Variants in CDC42SE2 observed in about 807,000 individuals in gnomAD.
CDC42SE2 encodes the protein CDC42 small effector 2, also known as CDC42 small effector protein 2.
In CDC42SE2, 3 loss-of-function variants were observed where a neutral mutation model predicts 11.5. The ratio of observed to expected loss-of-function variants is 0.26; its 90% CI spans 0.12 to 0.67. The LOEUF (loss-of-function observed/expected upper bound fraction) is 0.67, where lower values mean the gene tolerates loss of function less well. CDC42SE2 is among the 30% of genes least tolerant of loss of function. The pLI is 0.80. For missense variants in CDC42SE2, 82 were observed against 106.8 expected, an observed-to-expected ratio of 0.77 and a Z score of 1.02; for synonymous variants, 33 against 34.8, an observed-to-expected ratio of 0.95 and a Z score of 0.18.
intron 2 of CDC42SE2, among the ~76,000 whole-genome samples, 159 bp downstream of exon 2, chr5:131,316,303 T>C (rs1289991834): frequency 6.6e-6 from 1 of 152,258 alleles, no homozygotes; most frequent in Non-Finnish European, 1.5e-5. Flanking sequence ...CCTAACATCA[T>C]GTTTAATGTC....
chr5:131,272,320 C>T (rs761509916), intron 1 of CDC42SE2, among the ~76,000 whole-genome samples: 19 of 152,242 alleles, frequency 1.2e-4, no homozygotes, highest in South Asian at 6.2e-4. Flanking sequence ...TGCACCTGGC[C>T]TAATCCTTCT....
At position 131,321,717 on chromosome 5, in the gene CDC42SE2, T is replaced by TCC. The variant is rs1242891826; in HGVS notation, c.-286+5579_-286+5580dup. ...AATGGTGGGAAACTTAATTCTATCT[T>TCC]CCCCCCCGCCAAAATCATCAAGCGT... On this transcript the variant is annotated intron_variant, in intron 2 of 4. Coordinates refer to ENST00000505065, the MANE Select transcript of CDC42SE2 (RefSeq NM_001375635.1). 3.1e-3 allele frequency among the ~76,000 whole-genome samples: 462 copies of TCC among 150,772 alleles called. 3 individuals are homozygous for TCC. The highest frequency in any genetic ancestry group is 0.011 in the African/African-American group (449 of 40,770).
intron 1 of CDC42SE2, among the ~76,000 whole-genome samples, chr5:131,302,235 A>G (rs1437899809): frequency 4.0e-5 from 6 of 149,992 alleles, no homozygotes; most frequent in African/African-American, 1.5e-4. Context: ...GCTGGAGTGC[A>G]ATGGTGCGAT....
At chr5:131,236,476 G>T in the CDC42SE2 span, among the ~76,000 whole-genome samples, 1 of 152,064 alleles carries the variant, frequency 6.6e-6, no homozygotes, top group Non-Finnish European at 1.5e-5. Context: ...GCCCAGGCTG[G>T]AGTGCAGTGG....
the CDC42SE2 span, among the ~76,000 whole-genome samples, chr5:131,238,134 A>ACTT: frequency 6.6e-6 from 1 of 151,432 alleles, no homozygotes; most frequent in South Asian, 2.1e-4. Context: ...ATCTAAATAA[A>ACTT]TTCTCGGGGG....
the CDC42SE2 span, among the ~76,000 whole-genome samples, chr5:131,239,652 T>G: frequency 6.6e-6 from 1 of 152,200 alleles, no homozygotes; most frequent in South Asian, 2.1e-4. Context: ...AGAGCAGTTT[T>G]GTGTTTGCTT....
At chr5:131,337,312 T>G (rs1189023127) in intron 2 of CDC42SE2, among the ~76,000 whole-genome samples, 2 of 152,220 alleles carry the variant, frequency 1.3e-5, no homozygotes, top group African/African-American at 4.8e-5. Flanking sequence ...TGCTGCTGCC[T>G]GATCGTTCGT....
Position 131,392,875 on chromosome 5 carries a change from A to G in CDC42SE2, c.*1784A>G, listed in dbSNP as rs2149793275. 1.3e-5 allele frequency: 2 copies of G among 152,462 alleles called. No individual in the cohort carries two copies. The highest frequency in any genetic ancestry group is 4.1e-4 in the South Asian group (2 of 4,830). 9.4% of individuals were successfully genotyped at this position (152,462 alleles called of 1,614,324 possible). A position where few individuals can be genotyped will look rare whatever the true frequency, so the allele number is the denominator to read the frequency against. On this transcript the variant is annotated 3_prime_UTR_variant, in exon 5 of 5. Coordinates refer to ENST00000505065, the MANE Select transcript of CDC42SE2 (RefSeq NM_001375635.1). ...TCACTGGCCTTTCTGTGCTCTACAT[A>G]TTATTTTAGGGGCCACATCAGTTGC...
chr5:131,252,420 G>A (rs1204644370), intron 1 of CDC42SE2, among the ~76,000 whole-genome samples: 1 of 152,188 alleles, frequency 6.6e-6, no homozygotes, highest in Non-Finnish European at 1.5e-5. Flanking sequence ...TTGGGAGGCC[G>A]AGGCGGGTGG....
chr5:131,306,955 T>C (rs1757790824), intron 1 of CDC42SE2, among the ~76,000 whole-genome samples: 1 of 152,172 alleles, frequency 6.6e-6, no homozygotes, highest in Admixed American at 6.5e-5. Context: ...CCTGCAACTT[T>C]ACTTCGTTTA....
intron 2 of CDC42SE2, among the ~76,000 whole-genome samples, chr5:131,255,777 A>G (rs1034304313): frequency 1.3e-5 from 2 of 152,188 alleles, no homozygotes; most frequent in African/African-American, 4.8e-5. Flanking sequence ...AAAAGATTGC[A>G]AGGAAGTTGT....
intron 2 of CDC42SE2, among the ~76,000 whole-genome samples, chr5:131,330,729 T>A (rs1758403331): frequency 6.6e-6 from 1 of 151,408 alleles, no homozygotes. Flanking sequence ...CTATCTGGGC[T>A]GGGTGCAGTG....
At chr5:131,310,921 G>T (rs1757893329) in intron 1 of CDC42SE2, among the ~76,000 whole-genome samples, 1 of 151,658 alleles carries the variant, frequency 6.6e-6, no homozygotes, top group Non-Finnish European at 1.5e-5. Context: ...TCTTTTAATT[G>T]GAGCATTTAG....
At chr5:131,217,013 AG>A in the CDC42SE2 span, among the ~76,000 whole-genome samples, 9 of 152,200 alleles carry the variant, frequency 5.9e-5, no homozygotes, top group African/African-American at 2.2e-4. Context: ...GGATCAGGCC[AG>A]GGGGCTGCCT....
intron 3 of CDC42SE2, among the ~76,000 whole-genome samples, chr5:131,379,114 A>T (rs1030440929): frequency 2.0e-5 from 3 of 152,268 alleles, no homozygotes; most frequent in Non-Finnish European, 4.4e-5. Flanking sequence ...AAGTTGAGTC[A>T]GCATAGCTTT....
intron 3 of CDC42SE2, among the ~76,000 whole-genome samples, chr5:131,382,030 C>A (rs1266529774): frequency 6.6e-6 from 1 of 152,194 alleles, no homozygotes; most frequent in East Asian, 1.9e-4. Context: ...TTTCATATCT[C>A]ACAAACTGTT....
chr5:131,377,586 C>T (rs1245090622), intron 3 of CDC42SE2, among the ~76,000 whole-genome samples: 2 of 152,180 alleles, frequency 1.3e-5, no homozygotes, highest in Non-Finnish European at 2.9e-5. Flanking sequence ...AGCTCCACTC[C>T]AAACTTGCTC....
chr5:131,249,122 A>T (rs1756620052), intron 1 of CDC42SE2, among the ~76,000 whole-genome samples: 1 of 145,568 alleles, frequency 6.9e-6, no homozygotes, highest in Non-Finnish European at 1.5e-5. Context: ...GGTTCAAGTG[A>T]TTCTCCTGCC....
intron 2 of CDC42SE2, among the ~76,000 whole-genome samples, chr5:131,338,642 A>T (rs1344322624): frequency 2.6e-5 from 4 of 152,190 alleles, no homozygotes; most frequent in Admixed American, 2.0e-4. Flanking sequence ...ATACTACCAT[A>T]AGCTCCATTT....
Sources: gnomAD v4.1 joint callset for allele counts (sites outside exome capture counted in the v4.1 genomes callset) on GRCh38, gnomAD v4.1.1 for gene constraint, MANE v1.5 for transcripts, NCBI Gene and HGNC (gene_info 2026-07-23, HGNC 2026-07-21) for gene names.